The following ARHGAP6 variants were observed in gnomAD, a reference collection of about 807,000 sequenced individuals.
ARHGAP6 encodes Rho GTPase activating protein 6.
In ARHGAP6, 16 loss-of-function variants were observed where a neutral mutation model predicts 55.7. That is an observed-to-expected ratio of 0.29 (90% confidence interval 0.19 to 0.44). The LOEUF is 0.44. ARHGAP6 is among the 20% of genes least tolerant of loss of function. The pLI, the probability that ARHGAP6 is intolerant of heterozygous loss-of-function variation, is 1.00. For synonymous variants in ARHGAP6, 382 were observed against 360.9 expected, an observed-to-expected ratio of 1.06 and a Z score of -0.66; for missense variants, 698 against 808.9, an observed-to-expected ratio of 0.86 and a Z score of 1.66.
chrX:11,264,989 A>G (rs182187643), intron 1 of ARHGAP6, among the ~76,000 whole-genome samples: 1 of 112,473 alleles, frequency 8.9e-6, no homozygotes, highest in African/African-American at 3.2e-5. Context: ...GCCAGGCTTT[A>G]GGTTCTAGAA....
chrX:11,257,071 A>G (rs1451683944), intron 1 of ARHGAP6, among the ~76,000 whole-genome samples: 8 of 111,780 alleles, frequency 7.2e-5, no homozygotes, highest in Non-Finnish European at 1.5e-4. Context: ...TTGGGGACTC[A>G]GGCCTTGGGT....
intron 2 of ARHGAP6, among the ~76,000 whole-genome samples, chrX:11,207,215 A>G (rs1366812130): frequency 2.3e-4 from 24 of 105,121 alleles, no homozygotes; most frequent in South Asian, 4.3e-4. Context: ...TTTTTTAGAT[A>G]TGGGGGTCTC....
chrX:11,393,800 T>A (rs2049441723), intron 1 of ARHGAP6, among the ~76,000 whole-genome samples: 1 of 111,884 alleles, frequency 8.9e-6, no homozygotes, highest in Non-Finnish European at 1.9e-5. Flanking sequence ...AGAGCCTGAA[T>A]TCTTATCAAT....
chrX:11,213,401 T>G (rs1179434673), intron 2 of ARHGAP6, among the ~76,000 whole-genome samples: 1 of 112,607 alleles, frequency 8.9e-6, no homozygotes, highest in African/African-American at 3.2e-5. Flanking sequence ...CACCACTGGG[T>G]ATCTACCCAA....
intron 1 of ARHGAP6, among the ~76,000 whole-genome samples, chrX:11,330,925 T>A (rs1483932144): frequency 4.5e-5 from 5 of 111,607 alleles, no homozygotes; most frequent in Non-Finnish European, 9.4e-5. Context: ...AGAATTTTGT[T>A]GGGGCTCAGA....
At position 11,315,643 on chromosome X, in the gene ARHGAP6, G is replaced by T. The variant is rs866500647; in HGVS notation, c.589-60936C>A. Reference sequence around the variant, plus strand: ...TACCCAAATTCCAGAATTTGAAAGAGCTTAAGTTAAAAACAAAAACAAAAC... The same window carrying T: ...TACCCAAATTCCAGAATTTGAAAGATCTTAAGTTAAAAACAAAAACAAAAC... On this transcript the variant is annotated intron_variant, in intron 1 of 12. Transcript: ENST00000337414. Among the ~76,000 whole-genome samples, 3 of 111,949 alleles carry T rather than the reference G, an allele frequency of 2.7e-5. No homozygotes were observed. The South Asian group carries it at 1.1e-3, about 43-fold the overall frequency.
chrX:11,571,188 A>C (rs2051511252), intron 1 of ARHGAP6, among the ~76,000 whole-genome samples: 1 of 111,999 alleles, frequency 8.9e-6, no homozygotes, highest in Non-Finnish European at 1.9e-5. Flanking sequence ...CAAATGAACT[A>C]AGACATTCCT....
At chrX:11,652,098 G>A (rs1233323374) in intron 1 of ARHGAP6, among the ~76,000 whole-genome samples, 1 of 112,141 alleles carries the variant, frequency 8.9e-6, no homozygotes, top group South Asian at 3.7e-4. Flanking sequence ...TTACTGTGTT[G>A]ATAGTTTCTT....
At chrX:11,279,271 C>T (rs1464617433) in intron 1 of ARHGAP6, among the ~76,000 whole-genome samples, 1 of 112,135 alleles carries the variant, frequency 8.9e-6, no homozygotes, top group Non-Finnish European at 1.9e-5. Context: ...AAAAACAATA[C>T]AGCTGCTTTA....
At chrX:11,211,284 C>G (rs1419514639) in intron 2 of ARHGAP6, among the ~76,000 whole-genome samples, 6 of 103,425 alleles carry the variant, frequency 5.8e-5, no homozygotes, top group South Asian at 4.6e-4. Context: ...TGCACTGGCG[C>G]GATCTCGGCT....
intron 2 of ARHGAP6, among the ~76,000 whole-genome samples, chrX:11,214,693 G>A (rs896412607): frequency 8.8e-6 from 1 of 113,411 alleles, no homozygotes; most frequent in African/African-American, 3.2e-5. Flanking sequence ...TGCCTGCAGG[G>A]GGCGTGGCCC....
intron 1 of ARHGAP6, among the ~76,000 whole-genome samples, chrX:11,628,268 A>T (rs952167290): frequency 1.8e-5 from 2 of 112,278 alleles, no homozygotes; most frequent in African/African-American, 3.2e-5. Flanking sequence ...TGTCATGGCT[A>T]AGCTTCTGAA....
rs890618407 is a variant in ARHGAP6, at chrX:11,161,180, A to G, written c.1810-4554T>C. On this transcript the variant is annotated intron_variant, in intron 9 of 12. Transcript: ENST00000337414. ...ACAGCACCCAGTACTGTTTTCCTAT[A>G]ATTCTTCTAATCTTTGGCTATAACT... 3.6e-4 allele frequency among the ~76,000 whole-genome samples: 40 copies of G among 112,216 alleles called. 1 individual carries two copies. The highest frequency in any genetic ancestry group is 5.6e-5 in the Non-Finnish European group (3 of 53,223).
At chrX:11,570,169 CAG>C (rs1392001904) in intron 1 of ARHGAP6, among the ~76,000 whole-genome samples, 1 of 110,992 alleles carries the variant, frequency 9.0e-6, no homozygotes, top group Admixed American at 9.6e-5. Context: ...AAGTCACTGA[CAG>C]AATTAGAACC....
intron 1 of ARHGAP6, among the ~76,000 whole-genome samples, chrX:11,357,665 G>T (rs1356366354): frequency 9.0e-6 from 1 of 111,278 alleles, no homozygotes; most frequent in East Asian, 2.8e-4. Flanking sequence ...CTGGCCAGCT[G>T]CAAAGATTCT....
chrX:11,167,952 A>C (rs2147304804), intron 9 of ARHGAP6, among the ~76,000 whole-genome samples: 1 of 112,158 alleles, frequency 8.9e-6, no homozygotes, highest in Non-Finnish European at 1.9e-5. Context: ...AGTGCTTCAG[A>C]GACACAAACA....
intron 1 of ARHGAP6, among the ~76,000 whole-genome samples, chrX:11,295,165 C>T (rs1671847764): frequency 9.0e-6 from 1 of 111,690 alleles, no homozygotes; most frequent in Non-Finnish European, 1.9e-5. Context: ...GGAAGGGACC[C>T]TTGAAAGGTC....
chrX:11,462,635 G>T (rs2050256268), intron 1 of ARHGAP6, among the ~76,000 whole-genome samples: 1 of 112,324 alleles, frequency 8.9e-6, no homozygotes, highest in Admixed American at 9.4e-5. Flanking sequence ...TTTATAATGA[G>T]ATTTGGGATA....
At chrX:11,636,262 T>G (rs2052418275) in intron 1 of ARHGAP6, among the ~76,000 whole-genome samples, 1 of 111,965 alleles carries the variant, frequency 8.9e-6, no homozygotes, top group African/African-American at 3.2e-5. Flanking sequence ...GTTCACTAAA[T>G]TAAGTCAACC....
Sources: gnomAD v4.1 joint callset for allele counts (sites outside exome capture counted in the v4.1 genomes callset) on GRCh38, gnomAD v4.1.1 for gene constraint, MANE v1.5 for transcripts, NCBI Gene and HGNC (gene_info 2026-07-23, HGNC 2026-07-21) for gene names.